The following WWP1 variants were observed in gnomAD, a reference collection of about 807,000 sequenced individuals.
The protein encoded by WWP1 is NEDD4-like E3 ubiquitin-protein ligase WWP1.
A neutral mutation model predicts 130.6 loss-of-function variants in WWP1; 49 were observed. The observed-to-expected ratio is 0.38, with a 90% CI of 0.30 to 0.48. WWP1 has a LOEUF of 0.48. WWP1 is among the 20% of genes least tolerant of loss of function. The pLI is 0.99. For synonymous variants in WWP1, 332 were observed against 367.8 expected (o/e 0.90, Z 1.11); for missense variants, 809 against 1,100.6 (o/e 0.74, Z 3.75).
chr8:86,450,837 T>A (rs1811132472), intron 20 of WWP1, among the ~76,000 whole-genome samples: 1 of 152,076 alleles, frequency 6.6e-6, no homozygotes, highest in African/African-American at 2.4e-5. Flanking sequence ...ACTACTGGAA[T>A]CCAAAGTGGG....
intron 17 of WWP1, chr8:86,440,550 T>TAAAAAA: frequency 2.8e-6 from 1 of 356,012 alleles, no homozygotes; most frequent in Admixed American, 3.7e-5. Context: ...ACCTTATTTT[T>TAAAAAA]CCTCTGGGTG....
chr8:86,378,121 C>G (rs1824776297), intron 3 of WWP1, among the ~76,000 whole-genome samples: 1 of 152,014 alleles, frequency 6.6e-6, no homozygotes. Flanking sequence ...CCTTTTATTA[C>G]TTTGCATTTT....
rs919343639 is a variant in WWP1, at chr8:86,464,522, T to C, written c.2670-2272T>C. 7.3e-5 allele frequency among the ~76,000 whole-genome samples: 11 copies of C among 151,672 alleles called. 1 individual carries two copies. The highest frequency in any genetic ancestry group is 2.1e-4 in the South Asian group (1 of 4,804). ...AAGCTCTTTGCAGTTGGAAATCCATTTTTTTTTTCCCAAGATAGAGTCTTG... is the reference window on the plus strand; with the variant it reads ...AAGCTCTTTGCAGTTGGAAATCCATCTTTTTTTTCCCAAGATAGAGTCTTG... On this transcript the variant is annotated intron_variant, in intron 24 of 24. Coordinates refer to ENST00000517970, the MANE Select transcript of WWP1 (RefSeq NM_007013.4).
At chr8:86,350,766 C>T (rs1217281231) in intron 1 of WWP1, among the ~76,000 whole-genome samples, 1 of 152,132 alleles carries the variant, frequency 6.6e-6, no homozygotes, top group Non-Finnish European at 1.5e-5. Flanking sequence ...ACTCATAAAT[C>T]TGATTGACTG....
At chr8:86,351,567 A>AT (rs1822922709) in intron 1 of WWP1, among the ~76,000 whole-genome samples, 3 of 150,502 alleles carry the variant, frequency 2.0e-5, no homozygotes, top group Non-Finnish European at 3.0e-5. Flanking sequence ...GGCTCAAGTG[A>AT]TCCCCCCTAC....
In WWP1 at chr8:86,398,454, A is replaced by G. The variant is rs778516761; in HGVS notation, c.447A>G (p.Ile149Met). 1.9e-6 allele frequency: 3 copies of G among 1,612,826 alleles called. No homozygotes were observed. The highest frequency in any genetic ancestry group is 2.5e-6 in the Non-Finnish European group (3 of 1,179,162). ...LDGLVIEQEN[I>M]TNCSSSPTIE... ...GATTGGTGATTGAGCAAGAAAATAT[A>G]ACAAACTGCAGCTCATCTCCAACCA... The change falls in exon 6 of 25, where the codon ATA becomes ATG. Residue 149 changes from isoleucine to methionine, a missense_variant. Ile to Met is a conservative substitution (Grantham distance 10). Coordinates refer to ENST00000517970, the MANE Select transcript of WWP1 (RefSeq NM_007013.4).
intron 5 of WWP1, among the ~76,000 whole-genome samples, chr8:86,397,159 G>T (rs1353841860): frequency 6.6e-6 from 1 of 152,198 alleles, no homozygotes; most frequent in Non-Finnish European, 1.5e-5. Flanking sequence ...GCCCAAATTT[G>T]TTAAATATAG....
At chr8:86,404,712 C>G (rs183511446) in intron 8 of WWP1, among the ~76,000 whole-genome samples, 6 of 152,294 alleles carry the variant, frequency 3.9e-5, no homozygotes, top group Non-Finnish European at 7.4e-5. Context: ...ATTTATCTCT[C>G]TCACAGTAAC....
At chr8:86,446,578 T>C (rs10088389) in intron 18 of WWP1, among the ~76,000 whole-genome samples, 95,468 of 151,844 alleles carry the variant, frequency 0.63, 30,884 homozygotes, top group African/African-American at 0.78. Flanking sequence ...AGGTTTTCTT[T>C]TAGGATTTTA....
intron 22 of WWP1, among the ~76,000 whole-genome samples, chr8:86,460,065 C>T (rs1415217220): frequency 6.6e-6 from 1 of 152,204 alleles, no homozygotes; most frequent in Non-Finnish European, 1.5e-5. Context: ...TCCCTATGTT[C>T]CTTGCTTTCT....
At chr8:86,347,174 A>G (rs1378645289) in intron 1 of WWP1, among the ~76,000 whole-genome samples, 2 of 152,012 alleles carry the variant, frequency 1.3e-5, no homozygotes, top group East Asian at 3.9e-4. Flanking sequence ...TTTTATAGAG[A>G]TGGGGTCTTG....
intron 3 of WWP1, among the ~76,000 whole-genome samples, chr8:86,377,508 T>A (rs13252838): frequency 0.014 from 2,147 of 152,242 alleles, 21 homozygotes; most frequent in South Asian, 0.058. Flanking sequence ...CCAATTTTTT[T>A]TTTTTATTTT....
At chr8:86,372,936 C>A (rs1824412579) in intron 2 of WWP1, among the ~76,000 whole-genome samples, 1 of 152,100 alleles carries the variant, frequency 6.6e-6, no homozygotes, top group Admixed American at 6.5e-5. Context: ...TTCAGACTTA[C>A]CAGATGACCT....
chr8:86,419,795 T>G (rs1037986510), intron 9 of WWP1, among the ~76,000 whole-genome samples: 1 of 152,190 alleles, frequency 6.6e-6, no homozygotes, highest in African/African-American at 2.4e-5. Context: ...TTGTGAAAAT[T>G]TTAGTACATT....
At chr8:86,362,057 TAC>T (rs1295321271) in intron 1 of WWP1, among the ~76,000 whole-genome samples, 1 of 49,346 alleles carries the variant, frequency 2.0e-5, no homozygotes, top group African/African-American at 9.5e-5. Flanking sequence ...CACACATATA[TAC>T]ACACATATAT....
chr8:86,446,567 T>C (rs1810894592), intron 18 of WWP1, among the ~76,000 whole-genome samples: 1 of 152,132 alleles, frequency 6.6e-6, no homozygotes, highest in Non-Finnish European at 1.5e-5. Context: ...GGGCATTTCC[T>C]AGGTTTTCTT....
At chr8:86,409,063 CTATT>C (rs887138468) in intron 8 of WWP1, among the ~76,000 whole-genome samples, 5 of 152,048 alleles carry the variant, frequency 3.3e-5, no homozygotes, top group African/African-American at 2.4e-5. Context: ...AATAAATAAT[CTATT>C]TGTCATTTTC....
intron 3 of WWP1, among the ~76,000 whole-genome samples, chr8:86,377,744 C>T (rs985654884): frequency 6.6e-6 from 1 of 152,108 alleles, no homozygotes; most frequent in Non-Finnish European, 1.5e-5. Context: ...AGACTTTCAA[C>T]AGGAAACTGT....
chr8:86,383,429 C>G (rs1260673244), intron 5 of WWP1, among the ~76,000 whole-genome samples: 5 of 152,166 alleles, frequency 3.3e-5, no homozygotes, highest in Non-Finnish European at 4.4e-5. Context: ...AAATGAAGCC[C>G]TCACGAATTG....
Sources: gnomAD v4.1 joint callset for allele counts (sites outside exome capture counted in the v4.1 genomes callset) on GRCh38, gnomAD v4.1.1 for gene constraint, MANE v1.5 for transcripts, NCBI Gene and HGNC (gene_info 2026-07-23, HGNC 2026-07-21) for gene names.